Variants in KIF20B observed in about 807,000 individuals in gnomAD.
KIF20B encodes kinesin family member 20B, also known as kinesin-like protein KIF20B.
A neutral mutation model predicts 232.5 loss-of-function variants in KIF20B; 188 were observed. The observed-to-expected ratio is 0.81, with a 90% CI of 0.72 to 0.91. The LOEUF is 0.91. Ranked by LOEUF, KIF20B falls within the 40% of genes least tolerant of loss-of-function variation. KIF20B has a pLI of 0.00. For missense variants in KIF20B, 2,154 were observed against 2,055.9 expected (o/e 1.05, Z -0.92); for synonymous variants, 712 against 683.0 (o/e 1.04, Z -0.66).
At position 89,762,738 on chromosome 10, in the gene KIF20B, A is replaced by G; in HGVS notation, c.4892A>G (p.Gln1631Arg). The change falls in exon 29 of 33, where the codon CAG becomes CGG. Residue 1631 changes from glutamine (Q) to arginine (R), a missense_variant. Transcript: ENST00000371728. Reference protein sequence around the residue: ...PELEIQFTPLQPNKMAVKHPG... With the variant: ...PELEIQFTPLRPNKMAVKHPG... Reference sequence around the variant, plus strand: ...TTAGAGATTCAATTTACACCTTTACAGCCAAACAAAATGGCAGTGAAACAC... The same window carrying G: ...TTAGAGATTCAATTTACACCTTTACGGCCAAACAAAATGGCAGTGAAACAC... 1.9e-6 allele frequency: 3 copies of G among 1,613,496 alleles called. No individual in the cohort carries two copies. The South Asian group carries it at 3.3e-5, about 18-fold the overall frequency.
At chr10:89,763,502 A>T (rs924317308) in intron 29 of KIF20B, among the ~76,000 whole-genome samples, 1 of 152,180 alleles carries the variant, frequency 6.6e-6, no homozygotes, top group African/African-American at 2.4e-5. Context: ...TGAAATAGCT[A>T]ACTTGCTTGT....
At chr10:89,718,594 C>A in intron 11 of KIF20B, 116 bp from the exon 12 acceptor site, 1 of 752,770 alleles carries the variant, frequency 1.3e-6, no homozygotes, top group Non-Finnish European at 2.3e-6. Flanking sequence ...TAATCACTAC[C>A]CTAAAGTTTA....
intron 26 of KIF20B, 140 bp downstream of exon 26, chr10:89,754,813 T>G: frequency 1.9e-6 from 1 of 538,884 alleles, no homozygotes; most frequent in Non-Finnish European, 3.1e-6. Flanking sequence ...AGATAACTTC[T>G]GAGCCAATTT....
intron 6 of KIF20B, among the ~76,000 whole-genome samples, chr10:89,713,429 T>C (rs546363823): frequency 7.5e-6 from 1 of 133,964 alleles, no homozygotes; most frequent in Non-Finnish European, 1.6e-5. Context: ...TATGAAATGA[T>C]TAAAATGTTA....
At chr10:89,750,384 A>C (rs1841997836) in intron 23 of KIF20B, among the ~76,000 whole-genome samples, 1 of 152,180 alleles carries the variant, frequency 6.6e-6, no homozygotes, top group Non-Finnish European at 1.5e-5. Context: ...AGGTGACTTT[A>C]ATCCTAGGAG....
intron 22 of KIF20B, 23 bp downstream of exon 22, chr10:89,743,950 A>G (rs1292924398): frequency 6.4e-7 from 1 of 1,560,174 alleles, no homozygotes; most frequent in Non-Finnish European, 8.6e-7. Flanking sequence ...GTTTTTAAAG[A>G]TGATTTAAAT....
chr10:89,713,219 G>C (rs1842868353), intron 6 of KIF20B, among the ~76,000 whole-genome samples: 1 of 151,998 alleles, frequency 6.6e-6, no homozygotes, highest in Middle Eastern at 3.4e-3. Flanking sequence ...AAATTAGCTG[G>C]GCATGGTGAC....
chr10:89,767,723 G>T (rs1842391878), intron 29 of KIF20B, among the ~76,000 whole-genome samples: 1 of 151,882 alleles, frequency 6.6e-6, no homozygotes, highest in South Asian at 2.1e-4. Context: ...TATTTTAAAA[G>T]TTTTAACATT....
intron 24 of KIF20B, 110 bp downstream of exon 24, chr10:89,751,581 G>A: frequency 9.7e-7 from 1 of 1,026,802 alleles, no homozygotes; most frequent in Non-Finnish European, 1.4e-6. Context: ...ATTGATAATG[G>A]AAAAGTATTT....
At position 89,758,600 on chromosome 10, in the gene KIF20B, CT is replaced by C. The variant is rs1842179055; in HGVS notation, c.4504-104del. On this transcript the variant is annotated intron_variant, in intron 26 of 32. Transcript: ENST00000371728. Reference sequence around the variant, plus strand: ...TAGACTACTTAATTTGTCTTGTAATCTTGTTTGCAGCTATATTTATGGTGTT... The same window carrying C: ...TAGACTACTTAATTTGTCTTGTAATCTGTTTGCAGCTATATTTATGGTGTT... The C allele has an allele frequency of 7.6e-6, 5 of 655,724 alleles. No homozygotes were observed. In the Admixed American group the frequency reaches 2.0e-4, roughly 27 times the overall value. The allele number at this position is 655,724 out of a possible 1,614,324, so 40.6% of individuals were successfully genotyped here. A position where few individuals can be genotyped will look rare whatever the true frequency, so the allele number is the denominator to read the frequency against.
At chr10:89,703,597 A>G (rs1430560936) in intron 1 of KIF20B, among the ~76,000 whole-genome samples, 1 of 152,026 alleles carries the variant, frequency 6.6e-6, no homozygotes. Context: ...GGGTCTTGAT[A>G]ATCCCGGGTT....
chr10:89,713,993 A>C, intron 6 of KIF20B, 54 bp from the exon 7 acceptor site: 1 of 865,642 alleles, frequency 1.2e-6, no homozygotes, highest in Non-Finnish European at 1.7e-6. Context: ...TATCTTGATT[A>C]TTTAACCTTA....
chr10:89,717,661 A>AG lies in KIF20B; in HGVS notation c.1210_1211insG (p.Asn404ArgfsTer12). 6.2e-7 allele frequency: 1 copy of AG among 1,610,036 alleles called. No homozygotes were observed. ...AAGGTTAAGAGAGACTGGGAATATC[A>AG]ACACTTCTTTATTGACTCTGGGAAA... is the stretch of plus-strand genomic sequence containing the variant. On this transcript the variant is annotated frameshift_variant, in exon 11 of 33. Transcript: ENST00000371728. LOFTEE classifies it high-confidence loss of function.
intron 12 of KIF20B, 148 bp from the exon 13 acceptor site, chr10:89,719,270 AG>A: frequency 1.8e-6 from 1 of 569,782 alleles, no homozygotes; most frequent in Non-Finnish European, 2.9e-6. Flanking sequence ...ATGTTCTTTT[AG>A]GGATGGTGAT....
At chr10:89,773,949 AC>A (rs780727070) in intron 32 of KIF20B, 21 bp from the exon 33 acceptor site, 1 of 1,422,450 alleles carries the variant, frequency 7.0e-7, no homozygotes, top group Non-Finnish European at 9.7e-7. Flanking sequence ...GCTTTGAAAA[AC>A]TATGAAATTT....
chr10:89,712,717 G>A (rs184876212), intron 6 of KIF20B, among the ~76,000 whole-genome samples: 1 of 152,208 alleles, frequency 6.6e-6, no homozygotes. Flanking sequence ...TTTATATAAG[G>A]TGGTACCATA....
At position 89,773,913 on chromosome 10, in the gene KIF20B, G is replaced by A. The variant is rs1237646997; in HGVS notation, c.5386-58G>A. On this transcript the variant is annotated intron_variant, in intron 32 of 32. Transcript: ENST00000371728. ...AACATGTCTTACTCATTATAAACAA[G>A]CTTTTATTTTTATTTTCACTTACAA... 25 of 1,056,126 alleles carry A rather than the reference G, an allele frequency of 2.4e-5. No homozygotes were observed. In the Admixed American group the frequency reaches 5.7e-4, roughly 24 times the overall value. The allele number at this position is 1,056,126 out of a possible 1,614,324, so 65.4% of individuals were successfully genotyped here.
intron 17 of KIF20B, 122 bp from the exon 18 acceptor site, chr10:89,729,006 A>G (rs1843258490): frequency 1.7e-5 from 16 of 944,458 alleles, no homozygotes; most frequent in Non-Finnish European, 2.3e-5. Flanking sequence ...GTTGCCACTG[A>G]TTAGCTTTAT....
rs72818772 is a variant in KIF20B at position 89,755,594 on chromosome 10, T to A, written c.4503+921T>A. ...CTTCCCCTTCCCTTTCCCTTTCCCT[T>A]TTCTTTCCTCTTTTAAAGAGACAAG... On this transcript the variant is annotated intron_variant, in intron 26 of 32. Transcript: ENST00000371728. 6.9e-3 allele frequency among the ~76,000 whole-genome samples: 1,049 copies of A among 151,620 alleles called. 7 individuals are homozygous for A. The highest frequency in any genetic ancestry group is 0.011 in the Non-Finnish European group (719 of 67,886).
Sources: gnomAD v4.1 joint callset for allele counts (sites outside exome capture counted in the v4.1 genomes callset) on GRCh38, gnomAD v4.1.1 for gene constraint, MANE v1.5 for transcripts, NCBI Gene and HGNC (gene_info 2026-07-23, HGNC 2026-07-21) for gene names.